Variants in PRKAR1B observed in about 807,000 individuals in gnomAD.
The protein encoded by PRKAR1B is protein kinase cAMP-dependent type I regulatory subunit beta, also known as cAMP-dependent protein kinase type I-beta regulatory subunit.
Under a neutral mutation model 46.5 loss-of-function variants are expected in PRKAR1B, and 22 were observed. The observed-to-expected ratio is 0.47, with a 90% confidence interval of 0.34 to 0.68. The LOEUF (loss-of-function observed/expected upper bound fraction) is 0.68, where lower values mean the gene tolerates loss of function less well. Ranked by LOEUF, PRKAR1B falls within the 30% of genes least tolerant of loss-of-function variation. PRKAR1B has a pLI of 0.01. For synonymous variants in PRKAR1B, 259 were observed against 217.7 expected (o/e 1.19, Z -1.67); for missense variants, 445 against 535.6 (o/e 0.83, Z 1.67).
chr7:640,002 A>C (rs990328544), intron 4 of PRKAR1B, among the ~76,000 whole-genome samples: 1 of 151,630 alleles, frequency 6.6e-6, no homozygotes, highest in African/African-American at 2.4e-5. Flanking sequence ...ATCTCTACTA[A>C]AAATAAAAAA....
At chr7:704,139 C>A (rs1297788369) in intron 2 of PRKAR1B, among the ~76,000 whole-genome samples, 1 of 151,752 alleles carries the variant, frequency 6.6e-6, no homozygotes, top group Non-Finnish European at 1.5e-5. Context: ...TAAAATTTCA[C>A]CTTAAGAAAT....
chr7:652,168 C>A (rs1784936416), intron 4 of PRKAR1B, among the ~76,000 whole-genome samples: 3 of 142,262 alleles, frequency 2.1e-5, no homozygotes, highest in Admixed American at 6.9e-5. Context: ...CCTGGGAAAA[C>A]CCCTCTCGGA....
intron 4 of PRKAR1B, among the ~76,000 whole-genome samples, chr7:625,408 A>C (rs1462706465): frequency 6.6e-6 from 1 of 152,252 alleles, no homozygotes. Context: ...AATAAAAATT[A>C]AGACAGAAAT....
At chr7:671,768 C>T (rs1786269577) in intron 4 of PRKAR1B, among the ~76,000 whole-genome samples, 3 of 152,176 alleles carry the variant, frequency 2.0e-5, no homozygotes. Flanking sequence ...CCACAGGCAG[C>T]AGGTTCCTGC....
chr7:672,638 C>A (rs1786326499), intron 4 of PRKAR1B, among the ~76,000 whole-genome samples: 1 of 151,826 alleles, frequency 6.6e-6, no homozygotes, highest in East Asian at 2.0e-4. Flanking sequence ...GGGGCTGAGG[C>A]AGGAGGATCA....
rs138788277 is a variant in PRKAR1B at position 584,494 on chromosome 7, G to A, written c.769+14C>T. 2.4e-4 allele frequency: 383 copies of A among 1,613,078 alleles called. 1 individual carries two copies. In the African/African-American group the frequency reaches 4.4e-3, roughly 18 times the overall value. On this transcript the variant is annotated intron_variant, in intron 8 of 10. Coordinates refer to ENST00000537384, the MANE Select transcript of PRKAR1B (RefSeq NM_001164760.2). ...TGTCGGGACACACAGCCGTGCAGGG[G>A]CGCAGCCACTGACCTAGGATGGAGA...
chr7:613,893 A>G (rs1424373491), intron 4 of PRKAR1B, among the ~76,000 whole-genome samples: 1 of 152,238 alleles, frequency 6.6e-6, no homozygotes, highest in African/African-American at 2.4e-5. Flanking sequence ...TCCCGGCCCC[A>G]GGACAGGGAA....
intron 9 of PRKAR1B, among the ~76,000 whole-genome samples, chr7:564,907 C>A (rs903037111): frequency 1.3e-5 from 2 of 152,140 alleles, no homozygotes; most frequent in Admixed American, 1.3e-4. Flanking sequence ...TCCACCATCC[C>A]TGAGTGGAGA....
chr7:557,995 C>T (rs112739935), intron 9 of PRKAR1B, among the ~76,000 whole-genome samples: 106 of 152,206 alleles, frequency 7.0e-4, no homozygotes, highest in African/African-American at 2.3e-3. Flanking sequence ...ATTTTCCTTG[C>T]GACTATTTTG....
chr7:606,120 GC>G, intron 6 of PRKAR1B, 72 bp downstream of exon 6: 1 of 1,488,178 alleles, frequency 6.7e-7, no homozygotes, highest in South Asian at 1.1e-5. Context: ...GCCTGGTGCT[GC>G]CTGGAGGGCA....
At chr7:596,418 G>C (rs568734084) in intron 6 of PRKAR1B, 114 bp from the exon 7 acceptor site, 70 of 1,307,148 alleles carry the variant, frequency 5.4e-5, no homozygotes, top group Non-Finnish European at 6.9e-5. Flanking sequence ...CGCAGGGCGG[G>C]GCACAAGCCC....
chr7:594,819 G>T (rs1387616896), intron 7 of PRKAR1B, among the ~76,000 whole-genome samples: 1 of 152,068 alleles, frequency 6.6e-6, no homozygotes, highest in Non-Finnish European at 1.5e-5. Context: ...ACCATGAGGG[G>T]ATCCCCTAGA....
At chr7:578,094 C>T (rs1267530724) in intron 9 of PRKAR1B, among the ~76,000 whole-genome samples, 2 of 152,304 alleles carry the variant, frequency 1.3e-5, no homozygotes, top group East Asian at 3.9e-4. Flanking sequence ...CACGGGTGGG[C>T]GTGGCTTACG....
intron 9 of PRKAR1B, among the ~76,000 whole-genome samples, chr7:577,427 G>A (rs1779921847): frequency 6.6e-6 from 1 of 152,198 alleles, no homozygotes; most frequent in South Asian, 2.1e-4. Context: ...TGTGCTTAGG[G>A]AGCATGCAAG....
intron 4 of PRKAR1B, among the ~76,000 whole-genome samples, chr7:614,128 G>C (rs1039797150): frequency 2.0e-5 from 3 of 152,254 alleles, no homozygotes; most frequent in Non-Finnish European, 2.9e-5. Context: ...CGCCCGACCA[G>C]GACAGGCCAA....
At chr7:700,591 T>A (rs992976904) in intron 2 of PRKAR1B, among the ~76,000 whole-genome samples, 1 of 151,964 alleles carries the variant, frequency 6.6e-6, no homozygotes, top group African/African-American at 2.4e-5. Flanking sequence ...AAGCAGCAAT[T>A]TTAACTATTT....
At chr7:635,115 T>A (rs1783972545) in intron 4 of PRKAR1B, among the ~76,000 whole-genome samples, 1 of 152,222 alleles carries the variant, frequency 6.6e-6, no homozygotes, top group African/African-American at 2.4e-5. Flanking sequence ...GTGAACTATT[T>A]TCAAGGTAAA....
chr7:727,829 AC>A (rs1439133276), upstream of PRKAR1B, among the ~76,000 whole-genome samples: 47 of 104,936 alleles, frequency 4.5e-4, no homozygotes, highest in Non-Finnish European at 1.4e-4. Flanking sequence ...AGCCCCCTCC[AC>A]CCCACCCGGG....
intron 9 of PRKAR1B, among the ~76,000 whole-genome samples, chr7:574,107 C>T (rs951967774): frequency 2.0e-5 from 3 of 152,280 alleles, no homozygotes; most frequent in Non-Finnish European, 2.9e-5. Flanking sequence ...TCCACGCCCC[C>T]CACACACATT....
Sources: gnomAD v4.1 joint callset for allele counts (sites outside exome capture counted in the v4.1 genomes callset) on GRCh38, gnomAD v4.1.1 for gene constraint, MANE v1.5 for transcripts, NCBI Gene and HGNC (gene_info 2026-07-23, HGNC 2026-07-21) for gene names.